Variants in ST8SIA1 observed in about 807,000 individuals in gnomAD.
The protein encoded by ST8SIA1 is ST8 alpha-N-acetyl-neuraminide alpha-2,8-sialyltransferase 1.
In ST8SIA1, 16 loss-of-function variants were observed where a neutral mutation model predicts 35.9. The ratio of observed to expected loss-of-function variants is 0.45; its 90% CI spans 0.30 to 0.68. The LOEUF (loss-of-function observed/expected upper bound fraction) is 0.68, where lower values mean the gene tolerates loss of function less well. ST8SIA1 is among the 30% of genes least tolerant of loss of function. The pLI, the probability that ST8SIA1 is intolerant of heterozygous loss-of-function variation, is 0.09. For missense variants in ST8SIA1, 383 were observed against 453.6 expected, an observed-to-expected ratio of 0.84 and a Z score of 1.41; for synonymous variants, 170 against 169.6, an observed-to-expected ratio of 1.00 and a Z score of -0.02.
At chr12:22,271,271 C>G (rs887771552) in intron 2 of ST8SIA1, among the ~76,000 whole-genome samples, 7 of 152,174 alleles carry the variant, frequency 4.6e-5, no homozygotes, top group Non-Finnish European at 8.8e-5. Flanking sequence ...GAAGCACTGG[C>G]AACAGAAAGT....
intron 4 of ST8SIA1, among the ~76,000 whole-genome samples, chr12:22,233,946 A>G: frequency 6.6e-6 from 1 of 152,130 alleles, no homozygotes; most frequent in Non-Finnish European, 1.5e-5. Flanking sequence ...GTTTAAAACA[A>G]ATTATATTTT....
chr12:22,292,763 G>A (rs558102446), intron 1 of ST8SIA1, among the ~76,000 whole-genome samples: 1 of 152,052 alleles, frequency 6.6e-6, no homozygotes, highest in Non-Finnish European at 1.5e-5. Context: ...AGAAAGAATG[G>A]GAGAAAAGAA....
chr12:22,249,288 C>G (rs186479875), intron 3 of ST8SIA1, among the ~76,000 whole-genome samples, 190 bp from the exon 4 acceptor site: 20 of 150,218 alleles, frequency 1.3e-4, no homozygotes, highest in South Asian at 8.4e-4. Flanking sequence ...GTGTGATCTC[C>G]GCTCACTGCA....
chr12:22,242,089 C>T (rs1182326776), intron 4 of ST8SIA1, among the ~76,000 whole-genome samples: 1 of 151,986 alleles, frequency 6.6e-6, no homozygotes, highest in African/African-American at 2.4e-5. Flanking sequence ...ACTAAGCCAC[C>T]AAACAAAGAA....
chr12:22,283,988 A>G (rs1320984107), intron 2 of ST8SIA1, among the ~76,000 whole-genome samples: 2 of 152,196 alleles, frequency 1.3e-5, no homozygotes, highest in African/African-American at 2.4e-5. Context: ...AAGTTACAGA[A>G]AGTTGTGGAA....
chr12:22,260,832 T>A (rs1457032594), intron 2 of ST8SIA1, among the ~76,000 whole-genome samples: 6 of 151,822 alleles, frequency 4.0e-5, no homozygotes, highest in African/African-American at 1.5e-4. Context: ...TAGTCTATAT[T>A]TGTGTGAGAT....
chr12:22,298,225 C>T (rs1043865109), intron 1 of ST8SIA1, among the ~76,000 whole-genome samples: 1 of 152,132 alleles, frequency 6.6e-6, no homozygotes, highest in African/African-American at 2.4e-5. Flanking sequence ...TCCCTGAGTT[C>T]TGTGAACTGC....
chr12:22,331,438 T>G (rs543272113), intron 1 of ST8SIA1, among the ~76,000 whole-genome samples: 36 of 152,348 alleles, frequency 2.4e-4, no homozygotes, highest in Non-Finnish European at 2.9e-4. Context: ...TATACATACA[T>G]GACACCATTC....
rs1001759036 is a variant in ST8SIA1 at position 22,196,265 on chromosome 12, C to A, written c.*5287G>T. On this transcript the variant is annotated 3_prime_UTR_variant, in exon 5 of 5. Transcript: ENST00000396037. ...ACAGAAGAAATCAGAAATGTTGGCACCAGAGAAAACAAATTAGAGGGAAAC... is the reference window on the plus strand; with the variant it reads ...ACAGAAGAAATCAGAAATGTTGGCAACAGAGAAAACAAATTAGAGGGAAAC... The A allele has an allele frequency of 2.0e-5, 3 of 152,060 alleles. No homozygotes were observed. Among genetic ancestry groups the A allele is most frequent in the Admixed American group, 1.3e-4 (2 of 15,270 alleles). 9.4% of individuals were successfully genotyped at this position (152,060 alleles called of 1,614,324 possible).
At chr12:22,217,047 T>C (rs1383515023) in intron 4 of ST8SIA1, among the ~76,000 whole-genome samples, 1 of 152,226 alleles carries the variant, frequency 6.6e-6, no homozygotes, top group Non-Finnish European at 1.5e-5. Flanking sequence ...ACTAGTTCAT[T>C]TTCTTGTAAA....
In ST8SIA1 at chr12:22,334,519, C is replaced by T. The variant is rs1866821696; in HGVS notation, c.-287G>A. 6.2e-6 allele frequency: 3 copies of T among 485,250 alleles called. No homozygotes were observed. The highest frequency in any genetic ancestry group is 2.6e-5 in the South Asian group (1 of 37,992). 30.1% of individuals were successfully genotyped at this position (485,250 alleles called of 1,614,324 possible). A position where few individuals can be genotyped will look rare whatever the true frequency, so the allele number is the denominator to read the frequency against. ...TGCAGAAGGCGGGCGCTGGGGTCTC[C>T]GAGTGCGCAGAGAGCGGCGGCGGCG... On this transcript the variant is annotated 5_prime_UTR_variant, in exon 1 of 5. Transcript: ENST00000396037.
At position 22,334,266 on chromosome 12, in the gene ST8SIA1, G is replaced by A. The variant is rs954957220; in HGVS notation, c.-34C>T. 3 of 1,572,298 alleles carry A rather than the reference G, an allele frequency of 1.9e-6. No homozygotes were observed. Among genetic ancestry groups the A allele is most frequent in the South Asian group, 1.1e-5 (1 of 89,922 alleles). ...CGGCGTCCCAGGGGCGGGGGCCGGG[G>A]CCTCAGCACAAAGCTAGGCGAAGTG... On this transcript the variant is annotated 5_prime_UTR_variant, in exon 1 of 5. Transcript: ENST00000396037.
intron 4 of ST8SIA1, chr12:22,223,376 G>C (rs953684923): frequency 4.6e-5 from 12 of 258,914 alleles, no homozygotes; most frequent in Non-Finnish European, 6.1e-5. Flanking sequence ...TGCATGTATG[G>C]ACTGGATCAC....
At chr12:22,303,729 T>C (rs1453150710) in intron 1 of ST8SIA1, among the ~76,000 whole-genome samples, 1 of 152,062 alleles carries the variant, frequency 6.6e-6, no homozygotes, top group East Asian at 1.9e-4. Context: ...TCCGTCTTTT[T>C]CCCATTGGGT....
At chr12:22,309,522 A>G (rs955333264) in intron 1 of ST8SIA1, among the ~76,000 whole-genome samples, 28 of 152,174 alleles carry the variant, frequency 1.8e-4, no homozygotes, top group African/African-American at 6.8e-4. Flanking sequence ...TCAATTGTAC[A>G]TGTACATGTT....
chr12:22,284,046 A>G (rs529671434), intron 2 of ST8SIA1, among the ~76,000 whole-genome samples: 4 of 152,210 alleles, frequency 2.6e-5, no homozygotes, highest in Non-Finnish European at 5.9e-5. Flanking sequence ...TTGATGTGGC[A>G]TCTCAATTCA....
chr12:22,275,902 A>G (rs59820150), intron 2 of ST8SIA1, among the ~76,000 whole-genome samples: 14,110 of 152,248 alleles, frequency 0.093, 799 homozygotes, highest in East Asian at 0.15. Context: ...AATAAATCCC[A>G]TTTGTGTTCC....
At chr12:22,243,435 T>C (rs550937945) in intron 4 of ST8SIA1, among the ~76,000 whole-genome samples, 2 of 152,094 alleles carry the variant, frequency 1.3e-5, no homozygotes, top group Admixed American at 1.3e-4. Flanking sequence ...CACTTCAATA[T>C]TATTTCCTCC....
intron 1 of ST8SIA1, among the ~76,000 whole-genome samples, chr12:22,301,587 A>G (rs1866319264): frequency 6.6e-6 from 1 of 152,204 alleles, no homozygotes; most frequent in African/African-American, 2.4e-5. Flanking sequence ...CATAAGTTCA[A>G]TAAGAATATG....
Sources: gnomAD v4.1 joint callset for allele counts (sites outside exome capture counted in the v4.1 genomes callset) on GRCh38, gnomAD v4.1.1 for gene constraint, MANE v1.5 for transcripts, NCBI Gene and HGNC (gene_info 2026-07-23, HGNC 2026-07-21) for gene names.